PRKG1: variants seen among roughly 807,000 people sequenced by gnomAD.
The protein encoded by PRKG1 is protein kinase cGMP-dependent 1, also known as cGMP-dependent protein kinase 1.
PRKG1 carries 35 observed loss-of-function variants against 88.1 expected under a neutral mutation model. The ratio of observed to expected loss-of-function variants is 0.40; its 90% confidence interval spans 0.30 to 0.53. The LOEUF (loss-of-function observed/expected upper bound fraction) is 0.53. Ranked by LOEUF, PRKG1 falls within the 20% of genes least tolerant of loss-of-function variation. The pLI, the probability that PRKG1 is intolerant of heterozygous loss-of-function variation, is 0.59. For missense variants in PRKG1, 540 were observed against 839.8 expected (o/e 0.64, Z 4.41); for synonymous variants, 303 against 292.5 (o/e 1.04, Z -0.37).
At chr10:51,561,394 T>C (rs1392092226) in intron 3 of PRKG1, among the ~76,000 whole-genome samples, 1 of 152,046 alleles carries the variant, frequency 6.6e-6, no homozygotes, top group Non-Finnish European at 1.5e-5. Flanking sequence ...CCCATTTAAC[T>C]TGAAAAAATT....
chr10:52,253,850 A>T (rs1841242903), intron 10 of PRKG1, among the ~76,000 whole-genome samples: 1 of 152,068 alleles, frequency 6.6e-6, no homozygotes, highest in South Asian at 2.1e-4. Context: ...TACAACTTCT[A>T]CATCGGGACG....
intron 2 of PRKG1, among the ~76,000 whole-genome samples, chr10:51,271,236 T>C (rs1164761102): frequency 6.6e-6 from 1 of 152,116 alleles, no homozygotes; most frequent in Non-Finnish European, 1.5e-5. Flanking sequence ...TTGGCTATTT[T>C]ATCCTATTGA....
At chr10:51,150,215 A>T (rs1045218457) in intron 1 of PRKG1, among the ~76,000 whole-genome samples, 15 of 152,016 alleles carry the variant, frequency 9.9e-5, no homozygotes, top group African/African-American at 3.4e-4. Context: ...GGTACTTGTG[A>T]TATCGGCTTT....
At chr10:51,548,069 T>A (rs1258672212) in intron 3 of PRKG1, among the ~76,000 whole-genome samples, 1 of 152,048 alleles carries the variant, frequency 6.6e-6, no homozygotes, top group Admixed American at 6.6e-5. Flanking sequence ...TTGCCTAAAT[T>A]ATGAAAGAAC....
chr10:51,611,577 G>A (rs961107006), intron 3 of PRKG1, among the ~76,000 whole-genome samples: 1 of 151,172 alleles, frequency 6.6e-6, no homozygotes, highest in East Asian at 1.9e-4. Context: ...GTTTCAAGAG[G>A]TTGCCCCTTT....
intron 2 of PRKG1, among the ~76,000 whole-genome samples, chr10:51,268,738 CT>C (rs1839901446): frequency 6.6e-6 from 1 of 152,094 alleles, no homozygotes; most frequent in African/African-American, 2.4e-5. Context: ...TCCTCCTCAG[CT>C]TACGAAAATG....
At chr10:51,704,553 G>A (rs976946793) in intron 3 of PRKG1, among the ~76,000 whole-genome samples, 1 of 152,192 alleles carries the variant, frequency 6.6e-6, no homozygotes, top group Non-Finnish European at 1.5e-5. Context: ...AGTATGTAGA[G>A]ATGGAAGAGA....
At chr10:52,071,646 G>C (rs1846498294) in intron 7 of PRKG1, among the ~76,000 whole-genome samples, 1 of 136,482 alleles carries the variant, frequency 7.3e-6, no homozygotes, top group Non-Finnish European at 1.6e-5. Context: ...TAGTATAGCT[G>C]AGGTGTGCTT....
chr10:52,272,564 A>G (rs1488335167), intron 12 of PRKG1, 83 bp downstream of exon 12: 1 of 915,712 alleles, frequency 1.1e-6, no homozygotes, highest in South Asian at 1.5e-5. Flanking sequence ...ATGATAAAGT[A>G]TAATAATCAT....
At chr10:51,481,041 T>C (rs1840340591) in intron 3 of PRKG1, among the ~76,000 whole-genome samples, 1 of 152,216 alleles carries the variant, frequency 6.6e-6, no homozygotes, top group Middle Eastern at 3.4e-3. Context: ...TGGCATTTAA[T>C]GAAACTCATA....
At chr10:51,796,646 G>A (rs1311321478) in intron 3 of PRKG1, among the ~76,000 whole-genome samples, 1 of 152,036 alleles carries the variant, frequency 6.6e-6, no homozygotes, top group African/African-American at 2.4e-5. Flanking sequence ...AGTTTGACTG[G>A]GCTAAGGGAT....
At chr10:51,632,889 G>C (rs1482128669) in intron 3 of PRKG1, among the ~76,000 whole-genome samples, 1 of 152,086 alleles carries the variant, frequency 6.6e-6, no homozygotes, top group Non-Finnish European at 1.5e-5. Flanking sequence ...TAGTTTTCTT[G>C]GTTCCATTGT....
chr10:51,380,876 C>G (rs1010512197), intron 2 of PRKG1, among the ~76,000 whole-genome samples: 3 of 152,040 alleles, frequency 2.0e-5, no homozygotes, highest in Non-Finnish European at 2.9e-5. Context: ...TAGTACTCGA[C>G]CAATGAGGAA....
intron 6 of PRKG1, among the ~76,000 whole-genome samples, chr10:52,056,089 CT>C (rs1318559725): frequency 6.6e-6 from 1 of 152,102 alleles, no homozygotes; most frequent in African/African-American, 2.4e-5. Flanking sequence ...AGGCTGACTT[CT>C]TAAAAGATAT....
chr10:51,863,016 G>A (rs1257817364), intron 4 of PRKG1, among the ~76,000 whole-genome samples: 1 of 152,004 alleles, frequency 6.6e-6, no homozygotes, highest in Non-Finnish European at 1.5e-5. Flanking sequence ...AGGGATCCGA[G>A]AATATAAATC....
At chr10:52,122,831 A>C (rs913077259) in intron 7 of PRKG1, among the ~76,000 whole-genome samples, 3 of 152,212 alleles carry the variant, frequency 2.0e-5, no homozygotes, top group African/African-American at 7.2e-5. Context: ...AAAAGCCACC[A>C]GTCACGTTTT....
chr10:51,631,068 A>G lies in PRKG1; in HGVS notation c.592+163232A>G, dbSNP rs1839513595. On this transcript the variant is annotated intron_variant, in intron 3 of 17. Coordinates refer to ENST00000373980, the MANE Select transcript of PRKG1 (RefSeq NM_006258.4). ...TTCGTTGGATAGCCGGTCACCACAT[A>G]TTATACAAAAAGGGCTTGGAGAATG... 2.0e-5 allele frequency among the ~76,000 whole-genome samples: 3 copies of G among 152,322 alleles called. No individual in the cohort carries two copies. The South Asian group carries it at 6.2e-4, about 32-fold the overall frequency.
chr10:52,068,788 A>C (rs555398677), intron 7 of PRKG1, among the ~76,000 whole-genome samples: 1 of 152,210 alleles, frequency 6.6e-6, no homozygotes, highest in African/African-American at 2.4e-5. Context: ...TCAACCACTC[A>C]TTGATTGACT....
chr10:51,670,742 AAAT>A lies in PRKG1; in HGVS notation c.593-133840_593-133838del, dbSNP rs1389297143. On this transcript the variant is annotated intron_variant, in intron 3 of 17. Transcript: ENST00000373980. ...CAGAGCGAGACTCCGTCTCAAAAAAAAATAAATAAATAAATAAATAAATAAATA... is the reference window on the plus strand; with the variant it reads ...CAGAGCGAGACTCCGTCTCAAAAAAAAAATAAATAAATAAATAAATAAATA... 3.6e-3 allele frequency among the ~76,000 whole-genome samples: 264 copies of A among 73,602 alleles called. 8 individuals carry two copies. Among genetic ancestry groups the A allele is most frequent in the African/African-American group, 0.014 (248 of 17,658 alleles). The allele number at this position is 73,602 out of a possible 152,430, so 48.3% of individuals were successfully genotyped here. A position where few individuals can be genotyped will look rare whatever the true frequency, so the allele number is the denominator to read the frequency against.
Sources: gnomAD v4.1 joint callset for allele counts (sites outside exome capture counted in the v4.1 genomes callset) on GRCh38, gnomAD v4.1.1 for gene constraint, MANE v1.5 for transcripts, NCBI Gene and HGNC (gene_info 2026-07-23, HGNC 2026-07-21) for gene names.